Variants in VPS13A observed in about 807,000 individuals in gnomAD.
VPS13A encodes the protein intermembrane lipid transfer protein VPS13A.
Under a neutral mutation model 390.9 loss-of-function variants are expected in VPS13A, and 264 were observed. The observed-to-expected ratio is 0.68, with a 90% CI of 0.61 to 0.75. VPS13A has a LOEUF of 0.75. Among genes scored for constraint, VPS13A ranks in the 30% least tolerant of loss-of-function variants. VPS13A has a pLI of 0.00. For missense variants in VPS13A, 3,409 were observed against 3,733.9 expected (o/e 0.91, Z 2.27); for synonymous variants, 1,231 against 1,227.1 (o/e 1.00, Z -0.07).
chr9:77,324,452 C>T (rs1183082602), intron 45 of VPS13A, among the ~76,000 whole-genome samples: 1 of 151,996 alleles, frequency 6.6e-6, no homozygotes, highest in Non-Finnish European at 1.5e-5. Flanking sequence ...GAGTTTTTAT[C>T]AGAGTTGATT....
intron 22 of VPS13A, among the ~76,000 whole-genome samples, chr9:77,256,720 T>C (rs1429336086): frequency 2.6e-5 from 4 of 152,232 alleles, no homozygotes; most frequent in African/African-American, 4.8e-5. Flanking sequence ...GGTGAAGTTA[T>C]ACTTTCATTA....
intron 21 of VPS13A, 130 bp downstream of exon 21, chr9:77,250,359 T>TA (rs935856923): frequency 9.5e-6 from 11 of 1,159,702 alleles, no homozygotes; most frequent in Non-Finnish European, 1.4e-5. Flanking sequence ...TGATAGTAAA[T>TA]ATTGTCTAGC....
chr9:77,340,057 A>T, intron 48 of VPS13A, 121 bp from the exon 49 acceptor site: 1 of 1,338,630 alleles, frequency 7.5e-7, no homozygotes, highest in South Asian at 1.3e-5. Context: ...ATTTAATATT[A>T]TAAAGGTTTA....
At chr9:77,402,376 A>G (rs1587724159) in intron 68 of VPS13A, among the ~76,000 whole-genome samples, 1 of 152,206 alleles carries the variant, frequency 6.6e-6, no homozygotes, top group East Asian at 1.9e-4. Flanking sequence ...GTTTCATGGA[A>G]CACAATTTTC....
chr9:77,332,205 C>T, intron 46 of VPS13A, 92 bp downstream of exon 46: 3 of 937,050 alleles, frequency 3.2e-6, no homozygotes, highest in Non-Finnish European at 1.7e-6. Context: ...CAAATCCATC[C>T]TGCTAATAGC....
intron 69 of VPS13A, among the ~76,000 whole-genome samples, chr9:77,404,861 A>C (rs1834526829): frequency 6.6e-6 from 1 of 152,148 alleles, no homozygotes; most frequent in African/African-American, 2.4e-5. Flanking sequence ...GGGCACCACT[A>C]GGTTTGCTCC....
intron 63 of VPS13A, 98 bp from the exon 64 acceptor site, chr9:77,370,159 A>G: frequency 6.7e-6 from 9 of 1,336,472 alleles, no homozygotes; most frequent in Admixed American, 1.9e-5. Flanking sequence ...AACATTATCC[A>G]TTTTTGTTAC....
chr9:77,360,131 C>T (rs1413869021), intron 58 of VPS13A, among the ~76,000 whole-genome samples: 1 of 151,984 alleles, frequency 6.6e-6, no homozygotes. Flanking sequence ...TTCATGTGTA[C>T]CTAAACATTA....
intron 67 of VPS13A, among the ~76,000 whole-genome samples, chr9:77,377,379 C>A (rs1833161766): frequency 6.6e-6 from 1 of 151,610 alleles, no homozygotes; most frequent in South Asian, 2.1e-4. Flanking sequence ...GCCACCGCGC[C>A]CGGCTAATTT....
At chr9:77,378,900 T>A (rs1296485088) in intron 67 of VPS13A, among the ~76,000 whole-genome samples, 2 of 152,042 alleles carry the variant, frequency 1.3e-5, no homozygotes, top group African/African-American at 4.8e-5. Context: ...CTTTTATTTG[T>A]TTCAAAGTAG....
chr9:77,225,415 T>C (rs533334738), intron 13 of VPS13A, among the ~76,000 whole-genome samples: 19 of 152,282 alleles, frequency 1.2e-4, no homozygotes, highest in African/African-American at 4.1e-4. Context: ...CATGCCTAGC[T>C]AATTTGTATA....
chr9:77,402,339 G>A (rs1834427829), intron 68 of VPS13A, among the ~76,000 whole-genome samples: 1 of 152,090 alleles, frequency 6.6e-6, no homozygotes, highest in East Asian at 1.9e-4. Flanking sequence ...TTTCTTCTAA[G>A]CTAAATAATT....
chr9:77,413,831 T>C (rs1446854518), intron 71 of VPS13A, among the ~76,000 whole-genome samples: 2 of 152,136 alleles, frequency 1.3e-5, no homozygotes, highest in African/African-American at 4.8e-5. Context: ...AGAAAATTTT[T>C]GCAATCTACT....
intron 20 of VPS13A, among the ~76,000 whole-genome samples, chr9:77,249,631 C>T (rs921237439): frequency 2.6e-5 from 4 of 152,146 alleles, no homozygotes; most frequent in African/African-American, 9.7e-5. Flanking sequence ...AGGAGAGATA[C>T]AAATATAACT....
At chr9:77,307,388 C>G (rs1210343374) in intron 34 of VPS13A, among the ~76,000 whole-genome samples, 1 of 152,158 alleles carries the variant, frequency 6.6e-6, no homozygotes, top group African/African-American at 2.4e-5. Flanking sequence ...GAGTTTGAGG[C>G]TGCAGTGAGC....
At position 77,361,952 on chromosome 9, in the gene VPS13A, T is replaced by C. The variant is rs76257327; in HGVS notation, c.8211+1311T>C. On this transcript the variant is annotated intron_variant, in intron 59 of 71. Transcript: ENST00000360280. ...GATTATCCTTTAATATGTTAAGTAG[T>C]TAATTTGCATATCTTATGTGAAGAA... 2.6e-5 allele frequency among the ~76,000 whole-genome samples: 4 copies of C among 152,296 alleles called. No homozygotes were observed. In the East Asian group the frequency reaches 7.7e-4, roughly 29 times the overall value.
chr9:77,306,765 A>G (rs1428782529), intron 34 of VPS13A, among the ~76,000 whole-genome samples: 1 of 152,130 alleles, frequency 6.6e-6, no homozygotes, highest in Admixed American at 6.6e-5. Context: ...TTTTCACGGA[A>G]ACATTTTATG....
intron 31 of VPS13A, among the ~76,000 whole-genome samples, chr9:77,291,610 T>C (rs911485021): frequency 1.3e-5 from 2 of 152,190 alleles, no homozygotes; most frequent in African/African-American, 4.8e-5. Flanking sequence ...TGCTCCGTGC[T>C]GAGCCTTTGA....
At chr9:77,335,048 A>G (rs1287241886) in intron 46 of VPS13A, among the ~76,000 whole-genome samples, 1 of 152,178 alleles carries the variant, frequency 6.6e-6, no homozygotes, top group Non-Finnish European at 1.5e-5. Flanking sequence ...TACATCATAG[A>G]TATTTGACAT....
Sources: allele counts gnomAD v4.1 joint callset (sites outside exome capture counted in the v4.1 genomes callset), GRCh38; gene constraint gnomAD v4.1.1; transcripts MANE v1.5; gene names NCBI Gene and HGNC (gene_info 2026-07-23, HGNC 2026-07-21).